PPFIA2: variants seen among roughly 807,000 people sequenced by gnomAD.
PPFIA2 encodes the protein liprin-alpha-2.
In PPFIA2, 46 loss-of-function variants were observed where a neutral mutation model predicts 175.5. The ratio of observed to expected loss-of-function variants is 0.26; its 90% confidence interval spans 0.21 to 0.34. PPFIA2 has a LOEUF of 0.34. Among genes scored for constraint, PPFIA2 ranks in the 10% least tolerant of loss-of-function variants. The probability of loss-of-function intolerance (pLI) is 1.00; values close to 1 mark genes in which losing one functional copy is unlikely to be tolerated. For missense variants in PPFIA2, 1,179 were observed against 1,506.1 expected, an observed-to-expected ratio of 0.78 and a Z score of 3.60; for synonymous variants, 568 against 511.4, an observed-to-expected ratio of 1.11 and a Z score of -1.49.
At position 81,727,744 on chromosome 12, in the gene PPFIA2, T is replaced by C. The variant is rs556287733; in HGVS notation, c.249+26229A>G. Reference sequence around the variant, plus strand: ...AGTTAACAGCCAGGATCATTTTTTCTTTTTATGAAACTTTCAGGTGATCCT... The same window carrying C: ...AGTTAACAGCCAGGATCATTTTTTCCTTTTATGAAACTTTCAGGTGATCCT... On this transcript the variant is annotated intron_variant, in intron 3 of 32. Coordinates refer to ENST00000549396, the MANE Select transcript of PPFIA2 (RefSeq NM_003625.5). Among the ~76,000 whole-genome samples, 8 of 151,562 alleles carry C rather than the reference T, an allele frequency of 5.3e-5. No homozygotes were observed. The South Asian group carries it at 1.7e-3, about 31-fold the overall frequency.
At chr12:81,292,205 G>A (rs1181097268) in intron 24 of PPFIA2, 1 of 152,060 alleles carries the variant, frequency 6.6e-6, no homozygotes, top group African/African-American at 2.4e-5. Flanking sequence ...TTGCTCTTGG[G>A]AGGAAAATGT....
rs918125004 is a variant in PPFIA2 at position 81,368,305 on chromosome 12, C to G, written c.1482+420G>C. ...ACTAGTTCTTTTGATGATATAAACT[C>G]ACTTACATTTTGACTTTTAGACTGG... is the stretch of plus-strand genomic sequence containing the variant. On this transcript the variant is annotated intron_variant, in intron 13 of 32. Coordinates refer to ENST00000549396, the MANE Select transcript of PPFIA2 (RefSeq NM_003625.5). 2.1e-5 allele frequency: 10 copies of G among 485,946 alleles called. No individual in the cohort carries two copies. The East Asian group carries it at 7.1e-4, about 35-fold the overall frequency. The allele number at this position is 485,946 out of a possible 1,614,324, so 30.1% of individuals were successfully genotyped here. A position where few individuals can be genotyped will look rare whatever the true frequency, so the allele number is the denominator to read the frequency against.
At chr12:81,622,218 G>C (rs140342168) in intron 4 of PPFIA2, among the ~76,000 whole-genome samples, 1 of 152,196 alleles carries the variant, frequency 6.6e-6, no homozygotes, top group East Asian at 1.9e-4. Flanking sequence ...TATCAACTTG[G>C]GTGACCAATG....
intron 4 of PPFIA2, among the ~76,000 whole-genome samples, chr12:81,474,341 G>A (rs1374613951): frequency 2.0e-5 from 3 of 152,126 alleles, no homozygotes; most frequent in Non-Finnish European, 4.4e-5. Flanking sequence ...ATTTTTAGTA[G>A]AGACGGGGTC....
At chr12:81,729,546 G>C (rs74659972) in intron 3 of PPFIA2, among the ~76,000 whole-genome samples, 54 of 151,656 alleles carry the variant, frequency 3.6e-4, no homozygotes, top group African/African-American at 1.3e-3. Flanking sequence ...GCGGTAAACA[G>C]AACAGCCCCC....
intron 24 of PPFIA2, among the ~76,000 whole-genome samples, chr12:81,284,803 T>C (rs1284619502): frequency 6.6e-6 from 1 of 152,202 alleles, no homozygotes; most frequent in Non-Finnish European, 1.5e-5. Flanking sequence ...CGGGAAGCAT[T>C]ATCGTAACTT....
chr12:81,398,894 A>G (rs1287180387), intron 8 of PPFIA2, among the ~76,000 whole-genome samples: 1 of 152,024 alleles, frequency 6.6e-6, no homozygotes, highest in East Asian at 1.9e-4. Context: ...TAGTACTTAC[A>G]CCAGTTAAAA....
At position 81,444,470 on chromosome 12, in the gene PPFIA2, G is replaced by A. The variant is rs566672334; in HGVS notation, c.570+1086C>T. 2.6e-3 allele frequency among the ~76,000 whole-genome samples: 394 copies of A among 151,990 alleles called. 1 individual carries two copies. The highest frequency in any genetic ancestry group is 9.2e-3 in the African/African-American group (380 of 41,458). On this transcript the variant is annotated intron_variant, in intron 6 of 32. Transcript: ENST00000549396. ...AATATTGAATATTAAATAATTATTT[G>A]ATGTCATATTTAGCAAGAATTTTTA...
In PPFIA2 at chr12:81,278,511, C is replaced by T. The variant is rs2041180793; in HGVS notation, c.3213-1097G>A. ...GCCCAGATCGTGCCACCGCACTCCA[C>T]CCTGGGCAACAGAGTGAGACTCCAT... is the stretch of plus-strand genomic sequence containing the variant. On this transcript the variant is annotated intron_variant, in intron 27 of 32. Coordinates refer to ENST00000549396, the MANE Select transcript of PPFIA2 (RefSeq NM_003625.5). Among the ~76,000 whole-genome samples the T allele has an allele frequency of 2.0e-5, 3 of 149,290 alleles. No homozygotes were observed. In the South Asian group the frequency reaches 6.4e-4, roughly 32 times the overall value.
intron 4 of PPFIA2, among the ~76,000 whole-genome samples, chr12:81,590,795 C>CA (rs1319551799): frequency 2.0e-5 from 3 of 151,922 alleles, no homozygotes; most frequent in African/African-American, 7.2e-5. Flanking sequence ...AAGGCCTCCT[C>CA]AGCCATGTGG....
intron 7 of PPFIA2, chr12:81,417,362 G>A (rs2045481734): frequency 6.9e-6 from 1 of 144,788 alleles, no homozygotes; most frequent in African/African-American, 2.7e-5. Context: ...GTGTTTTTTT[G>A]TTTTTTCTCC....
intron 24 of PPFIA2, among the ~76,000 whole-genome samples, chr12:81,286,676 T>G (rs1248145006): frequency 2.0e-5 from 3 of 152,052 alleles, no homozygotes; most frequent in Non-Finnish European, 4.4e-5. Context: ...CATTAAGTGA[T>G]ATTTGATTGT....
intron 22 of PPFIA2, among the ~76,000 whole-genome samples, chr12:81,325,556 A>C (rs2054582861): frequency 6.6e-6 from 1 of 152,176 alleles, no homozygotes; most frequent in South Asian, 2.1e-4. Context: ...TACGTTGAAG[A>C]AACTGCTTAT....
At chr12:81,340,359 T>C (rs1473394300) in intron 20 of PPFIA2, among the ~76,000 whole-genome samples, 1 of 152,086 alleles carries the variant, frequency 6.6e-6, no homozygotes, top group Non-Finnish European at 1.5e-5. Context: ...AGTCATTATA[T>C]TTGGTTATAT....
chr12:81,677,366 C>A (rs1025856351), intron 3 of PPFIA2, among the ~76,000 whole-genome samples: 3 of 151,962 alleles, frequency 2.0e-5, no homozygotes, highest in Non-Finnish European at 4.4e-5. Context: ...ATATGCTCTT[C>A]TGGCTATCAT....
At chr12:81,605,183 C>G (rs1042253899) in intron 4 of PPFIA2, among the ~76,000 whole-genome samples, 6 of 151,842 alleles carry the variant, frequency 4.0e-5, no homozygotes, top group South Asian at 2.1e-4. Flanking sequence ...TTTGACATAG[C>G]CTTTCTTTCA....
At chr12:81,614,176 AC>A (rs2061213245) in intron 4 of PPFIA2, among the ~76,000 whole-genome samples, 1 of 152,162 alleles carries the variant, frequency 6.6e-6, no homozygotes, top group Non-Finnish European at 1.5e-5. Flanking sequence ...CTAAATGCAC[AC>A]ACAGTATGCT....
chr12:81,753,946 A>G, intron 3 of PPFIA2, 27 bp downstream of exon 3: 2 of 1,610,516 alleles, frequency 1.2e-6, no homozygotes. Context: ...TTACAATAGG[A>G]GAAACAAAGG....
At chr12:81,745,148 T>C (rs1360887806) in intron 3 of PPFIA2, among the ~76,000 whole-genome samples, 1 of 152,226 alleles carries the variant, frequency 6.6e-6, no homozygotes, top group African/African-American at 2.4e-5. Context: ...TAATTATCTT[T>C]TGTTTTATAA....
Sources: allele counts gnomAD v4.1 joint callset (sites outside exome capture counted in the v4.1 genomes callset), GRCh38; gene constraint gnomAD v4.1.1; transcripts MANE v1.5; gene names NCBI Gene and HGNC (gene_info 2026-07-23, HGNC 2026-07-21).